The following NT5C2 variants were observed in gnomAD, a reference collection of about 807,000 sequenced individuals.
The protein encoded by NT5C2 is cytosolic purine 5'-nucleotidase.
In NT5C2, 58 loss-of-function variants were observed where a neutral mutation model predicts 76.1. The observed-to-expected ratio is 0.76, with a 90% CI of 0.62 to 0.95. NT5C2 has a LOEUF of 0.95. NT5C2 is among the 40% of genes least tolerant of loss of function. The pLI is 0.00. For missense variants in NT5C2, 478 were observed against 690.3 expected (o/e 0.69, Z 3.45); for synonymous variants, 229 against 237.4 (o/e 0.96, Z 0.32).
At chr10:103,183,765 G>GAC (rs1467953432) in intron 1 of NT5C2, among the ~76,000 whole-genome samples, 1 of 151,652 alleles carries the variant, frequency 6.6e-6, no homozygotes, top group Non-Finnish European at 1.5e-5. Flanking sequence ...TAAAAAGCCA[G>GAC]ACCACTGCTA....
At chr10:103,165,086 A>C (rs2086032689) in intron 3 of NT5C2, among the ~76,000 whole-genome samples, 1 of 152,174 alleles carries the variant, frequency 6.6e-6, no homozygotes, top group Non-Finnish European at 1.5e-5. Flanking sequence ...TCACTGTGAA[A>C]ATTTTTATTT....
intron 1 of NT5C2, among the ~76,000 whole-genome samples, chr10:103,187,511 C>A: frequency 7.1e-6 from 1 of 140,506 alleles, no homozygotes; most frequent in Non-Finnish European, 1.5e-5. Flanking sequence ...GAGACTGCAC[C>A]AATGCACTTC....
chr10:103,161,469 A>C (rs1363753822), intron 3 of NT5C2, among the ~76,000 whole-genome samples: 1 of 152,248 alleles, frequency 6.6e-6, no homozygotes, highest in East Asian at 1.9e-4. Flanking sequence ...GGCATCAGCC[A>C]CTGTGCCTGA....
intron 3 of NT5C2, among the ~76,000 whole-genome samples, chr10:103,143,176 A>G (rs1393911711): frequency 2.0e-5 from 3 of 152,112 alleles, no homozygotes; most frequent in Non-Finnish European, 4.4e-5. Context: ...TAACTGTAGG[A>G]AATTAGAATG....
intron 2 of NT5C2, among the ~76,000 whole-genome samples, chr10:103,180,704 C>CA: frequency 6.6e-6 from 1 of 151,732 alleles, no homozygotes; most frequent in Non-Finnish European, 1.5e-5. Flanking sequence ...GCCTGGGCGA[C>CA]AGAGATCCTG....
At chr10:103,132,881 G>C (rs1419665323) in intron 4 of NT5C2, among the ~76,000 whole-genome samples, 2 of 152,062 alleles carry the variant, frequency 1.3e-5, no homozygotes, top group Admixed American at 1.3e-4. Flanking sequence ...AAAAAATTAT[G>C]TCAAGAGTTA....
intron 3 of NT5C2, among the ~76,000 whole-genome samples, chr10:103,169,050 A>G (rs1224781338): frequency 6.6e-6 from 1 of 152,200 alleles, no homozygotes; most frequent in Non-Finnish European, 1.5e-5. Flanking sequence ...TACTGTTAGG[A>G]GATACAAGTC....
chr10:103,123,909 A>G (rs1273298249), intron 4 of NT5C2, among the ~76,000 whole-genome samples: 1 of 152,216 alleles, frequency 6.6e-6, no homozygotes, highest in African/African-American at 2.4e-5. Flanking sequence ...AGTTAGAAAT[A>G]CTATAGTTTC....
rs531672551 is a variant in NT5C2 at position 103,127,072 on chromosome 10, G to C, written c.175+12334C>G. Among the ~76,000 whole-genome samples the C allele has an allele frequency of 2.0e-4, 30 of 152,288 alleles. No individual in the cohort carries two copies. In the South Asian group the frequency reaches 6.0e-3, roughly 31 times the overall value. On this transcript the variant is annotated intron_variant, in intron 4 of 18. Coordinates refer to ENST00000404739, the MANE Select transcript of NT5C2 (RefSeq NM_001351169.2). ...CAATCCACCTGCCTCAGCCAGTGGG[G>C]AGAGTTGAGGTTTTCGATTGCATGG...
At chr10:103,111,041 A>G (rs2072885303) in intron 4 of NT5C2, among the ~76,000 whole-genome samples, 1 of 152,178 alleles carries the variant, frequency 6.6e-6, no homozygotes, top group Non-Finnish European at 1.5e-5. Flanking sequence ...ATAGGAAACC[A>G]CATATATCTC....
chr10:103,104,810 CT>C (rs1305680706), intron 6 of NT5C2, among the ~76,000 whole-genome samples: 1 of 152,112 alleles, frequency 6.6e-6, no homozygotes, highest in Non-Finnish European at 1.5e-5. Flanking sequence ...AAGACATTGT[CT>C]TTTTAAACAT....
intron 1 of NT5C2, among the ~76,000 whole-genome samples, chr10:103,182,983 A>G (rs1281187902): frequency 6.6e-6 from 1 of 152,076 alleles, no homozygotes. Context: ...TGGTTTTATC[A>G]TTATATTGTG....
chr10:103,144,014 A>G (rs924261770), intron 3 of NT5C2, among the ~76,000 whole-genome samples: 1 of 152,090 alleles, frequency 6.6e-6, no homozygotes, highest in Non-Finnish European at 1.5e-5. Flanking sequence ...ACCTTCTAAT[A>G]TTTCATCAAA....
intron 4 of NT5C2, among the ~76,000 whole-genome samples, chr10:103,138,472 C>G (rs941147514): frequency 3.9e-5 from 6 of 152,112 alleles, no homozygotes; most frequent in Non-Finnish European, 8.8e-5. Flanking sequence ...GATGTTCCCC[C>G]TCCCTGTGTT....
At position 103,093,181 on chromosome 10, in the gene NT5C2, G is replaced by A. The variant is rs1188110455; in HGVS notation, c.1117C>T (p.Pro373Ser). ...RQGWRTFLVI[P>S]ELAQELHVWT... Reference sequence around the variant, plus strand: ...ACATGTAGCTCCTGTGCGAGTTCAGGAATCACCAAAAAAGTTCGCCACCCT... The same window carrying A: ...ACATGTAGCTCCTGTGCGAGTTCAGAAATCACCAAAAAAGTTCGCCACCCT... Residue 373 changes from proline to serine, a missense_variant, in exon 15 of 19, where the codon CCT (proline) becomes TCT (serine). Pro to Ser is a moderately conservative substitution (Grantham distance 74). Coordinates refer to ENST00000404739, the MANE Select transcript of NT5C2 (RefSeq NM_001351169.2). 1 of 1,611,148 alleles carries A rather than the reference G, an allele frequency of 6.2e-7. No individual in the cohort carries two copies.
intron 4 of NT5C2, among the ~76,000 whole-genome samples, chr10:103,129,504 C>T (rs1591225618): frequency 8.1e-5 from 10 of 123,958 alleles, no homozygotes; most frequent in African/African-American, 2.4e-4. Flanking sequence ...CCCGGCCAGC[C>T]GCCCCGTCCG....
chr10:103,154,206 G>A (rs75824529), intron 3 of NT5C2, among the ~76,000 whole-genome samples: 1 of 152,028 alleles, frequency 6.6e-6, no homozygotes, highest in Non-Finnish European at 1.5e-5. Context: ...TCCTCCTCAC[G>A]GTGATTCAAA....
intron 3 of NT5C2, among the ~76,000 whole-genome samples, chr10:103,142,200 C>T (rs1172991547): frequency 2.0e-5 from 3 of 152,056 alleles, no homozygotes; most frequent in Middle Eastern, 3.2e-3. Context: ...GGGTCAAAAT[C>T]CTGAAGATTT....
intron 4 of NT5C2, among the ~76,000 whole-genome samples, chr10:103,132,299 T>C (rs560667214): frequency 6.6e-6 from 1 of 151,068 alleles, no homozygotes; most frequent in Non-Finnish European, 1.5e-5. Flanking sequence ...AATCACAGAT[T>C]AGAAGAGACT....
Sources: allele counts gnomAD v4.1 joint callset (sites outside exome capture counted in the v4.1 genomes callset), GRCh38; gene constraint gnomAD v4.1.1; transcripts MANE v1.5; gene names NCBI Gene and HGNC (gene_info 2026-07-23, HGNC 2026-07-21).